PIN4: variants seen among roughly 807,000 people sequenced by gnomAD.
PIN4 encodes the protein peptidylprolyl cis/trans isomerase, NIMA-interacting 4.
A neutral mutation model predicts 8.3 loss-of-function variants in PIN4; 3 were observed. The ratio of observed to expected loss-of-function variants is 0.36; its 90% CI spans 0.16 to 0.93. The LOEUF (loss-of-function observed/expected upper bound fraction) is 0.93, where lower values mean the gene tolerates loss of function less well. Among genes scored for constraint, PIN4 ranks in the 40% least tolerant of loss-of-function variants. PIN4 has a pLI of 0.44. For synonymous variants in PIN4, 18 were observed against 32.5 expected (o/e 0.55, Z 1.52); for missense variants, 75 against 100.6 (o/e 0.75, Z 1.09).
intron 3 of PIN4, among the ~76,000 whole-genome samples, chrX:72,253,363 C>T (rs766655172): frequency 2.8e-4 from 32 of 112,489 alleles, no homozygotes; most frequent in African/African-American, 7.7e-4. Flanking sequence ...CGGTGGCTCA[C>T]GCCTGTAATC....
chrX:72,262,124 C>T (rs1013970774), intron 3 of PIN4, among the ~76,000 whole-genome samples: 1 of 112,096 alleles, frequency 8.9e-6, no homozygotes, highest in Non-Finnish European at 1.9e-5. Flanking sequence ...TCTCAGACCA[C>T]CTATCACAAC....
intron 2 of PIN4, among the ~76,000 whole-genome samples, chrX:72,187,567 G>A (rs1164461351): frequency 1.8e-5 from 2 of 111,785 alleles, no homozygotes; most frequent in Non-Finnish European, 3.8e-5. Context: ...GGGAGGCCAA[G>A]GCACGAGGAT....
intron 3 of PIN4, among the ~76,000 whole-genome samples, chrX:72,243,805 A>G (rs763571978): frequency 8.9e-6 from 1 of 112,132 alleles, no homozygotes; most frequent in African/African-American, 3.2e-5. Context: ...TAAGGACTTT[A>G]CATGCACTGT....
At position 72,182,418 on chromosome X, in the gene PIN4, C is replaced by T. The variant is rs911538353; in HGVS notation, c.43+590C>T. 2.7e-5 allele frequency among the ~76,000 whole-genome samples: 3 copies of T among 110,296 alleles called. No homozygotes were observed. The Admixed American group carries it at 2.9e-4, about 11-fold the overall frequency. On this transcript the variant is annotated intron_variant, in intron 1 of 3. Coordinates refer to ENST00000373669, the MANE Select transcript of PIN4 (RefSeq NM_006223.4). ...TCGCCAGGCGTGGTGGTGGTGCGCG[C>T]CCGTAATCCCAGCTACTCGGGAGGC...
At chrX:72,192,754 C>T (rs1346405466) in intron 2 of PIN4, among the ~76,000 whole-genome samples, 1 of 109,954 alleles carries the variant, frequency 9.1e-6, no homozygotes. Context: ...CCACCATGCC[C>T]GGCTAATTTT....
chrX:72,213,646 C>T (rs2042870376), intron 3 of PIN4, among the ~76,000 whole-genome samples: 1 of 112,339 alleles, frequency 8.9e-6, no homozygotes, highest in Non-Finnish European at 1.9e-5. Context: ...CGCCCATTGC[C>T]GCTCCCAATC....
chrX:72,258,094 G>A lies in PIN4; in HGVS notation c.313-4613G>A, dbSNP rs186720759. ...CCAGGCAGGCCTTCGTGGAAGTCTC[G>A]GGTTGGGGAAAGCTGCAGGAGGACA... On this transcript the variant is annotated intron_variant, in intron 3 of 3. Transcript: ENST00000423432. 9.2e-3 allele frequency among the ~76,000 whole-genome samples: 1,016 copies of A among 110,965 alleles called. 14 individuals are homozygous for A. Among genetic ancestry groups the A allele is most frequent in the African/African-American group, 0.031 (945 of 30,503 alleles).
chrX:72,260,397 G>GCCCTTTGCAGA (rs770238923), intron 3 of PIN4, among the ~76,000 whole-genome samples: 5 of 112,652 alleles, frequency 4.4e-5, no homozygotes, highest in Non-Finnish European at 5.6e-5. Context: ...GAGCAAGCAG[G>GCCCTTTGCAGA]CCCTTTGCAG....
At chrX:72,203,447 C>T (rs940755657) in intron 3 of PIN4, among the ~76,000 whole-genome samples, 4 of 111,620 alleles carry the variant, frequency 3.6e-5, no homozygotes, top group Non-Finnish European at 5.6e-5. Flanking sequence ...TTGCCACTGA[C>T]GTCTGAAGTG....
intron 1 of PIN4, among the ~76,000 whole-genome samples, chrX:72,182,552 AAAAG>A (rs1197895430): frequency 9.0e-6 from 1 of 110,513 alleles, no homozygotes; most frequent in Admixed American, 9.6e-5. Flanking sequence ...TCAAAAAAAA[AAAAG>A]AGATTTTGGC....
At chrX:72,205,336 T>C (rs1337324202) in intron 3 of PIN4, 3 of 1,210,571 alleles carry the variant, frequency 2.5e-6, no homozygotes, top group East Asian at 3.0e-5. Context: ...GGAAGGATCC[T>C]CTTCTGTATA....
intron 3 of PIN4, among the ~76,000 whole-genome samples, chrX:72,218,414 C>G (rs1265864530): frequency 9.0e-6 from 1 of 110,846 alleles, no homozygotes; most frequent in Non-Finnish European, 1.9e-5. Flanking sequence ...GGCTAAACTA[C>G]TCTTTTTCAA....
intron 3 of PIN4, among the ~76,000 whole-genome samples, chrX:72,215,951 G>A (rs2042884968): frequency 9.1e-6 from 1 of 110,365 alleles, no homozygotes; most frequent in Non-Finnish European, 1.9e-5. Flanking sequence ...CCTATAAAAT[G>A]TTGGCATTTC....
chrX:72,251,362 C>CAAAAAAAAAAAAAAAAAAAAAAAA (rs35914181), intron 3 of PIN4, among the ~76,000 whole-genome samples: 2 of 65,628 alleles, frequency 3.0e-5, no homozygotes, highest in Non-Finnish European at 4.8e-5. Flanking sequence ...GACTCTGTCT[C>CAAAAAAAAAAAAAAAAAAAAAAAA]AAAAAAAAAA....
intron 3 of PIN4, among the ~76,000 whole-genome samples, chrX:72,251,843 C>T (rs1190766042): frequency 1.8e-5 from 2 of 111,085 alleles, no homozygotes; most frequent in African/African-American, 6.6e-5. Context: ...GAAGTGGACT[C>T]ACTTGAGTCC....
At chrX:72,198,528 G>A (rs955530425), downstream of PIN4, among the ~76,000 whole-genome samples, 1 of 112,331 alleles carries the variant, frequency 8.9e-6, no homozygotes, top group Non-Finnish European at 1.9e-5. Flanking sequence ...ATATGCCAGT[G>A]TATACAGAGA....
intron 2 of PIN4, among the ~76,000 whole-genome samples, chrX:72,194,621 G>C (rs752525490): frequency 2.0e-5 from 2 of 102,427 alleles, no homozygotes; most frequent in South Asian, 9.1e-4. Flanking sequence ...AGACTCACTT[G>C]AACTAAGGAG....
chrX:72,208,569 G>A (rs2042834536), intron 3 of PIN4: 1 of 1,211,507 alleles, frequency 8.3e-7, no homozygotes, highest in Non-Finnish European at 1.1e-6. Flanking sequence ...ACTCCTCCAA[G>A]GCTTCCTGTA....
At chrX:72,219,054 G>A (rs1416159594) in intron 3 of PIN4, among the ~76,000 whole-genome samples, 3 of 112,243 alleles carry the variant, frequency 2.7e-5, no homozygotes, top group Non-Finnish European at 5.6e-5. Flanking sequence ...TCAGGAGTTC[G>A]AGACCTGCCT....
Sources: allele counts gnomAD v4.1 joint callset (sites outside exome capture counted in the v4.1 genomes callset), GRCh38; gene constraint gnomAD v4.1.1; transcripts MANE v1.5; gene names NCBI Gene and HGNC (gene_info 2026-07-23, HGNC 2026-07-21).